The following TMEM132C variants were observed in gnomAD, a reference collection of about 807,000 sequenced individuals.
TMEM132C encodes protein phosphatase 1, regulatory subunit 152.
TMEM132C carries 29 observed loss-of-function variants against 61.4 expected under a neutral mutation model. That is an observed-to-expected ratio of 0.47 (90% CI 0.35 to 0.64). The LOEUF is 0.64. Among genes scored for constraint, TMEM132C ranks in the 30% least tolerant of loss-of-function variants. The pLI is 0.00. For missense variants in TMEM132C, 1,408 were observed against 1,476.9 expected, an observed-to-expected ratio of 0.95 and a Z score of 0.76; for synonymous variants, 656 against 633.1, an observed-to-expected ratio of 1.04 and a Z score of -0.54.
intron 2 of TMEM132C, among the ~76,000 whole-genome samples, chr12:128,478,187 T>C (rs1871212735): frequency 6.6e-6 from 1 of 152,228 alleles, no homozygotes; most frequent in Non-Finnish European, 1.5e-5. Flanking sequence ...CCATACCACA[T>C]GCAGATAGAC....
intron 1 of TMEM132C, among the ~76,000 whole-genome samples, chr12:128,270,771 T>G (rs552381807): frequency 6.6e-6 from 1 of 152,230 alleles, no homozygotes; most frequent in African/African-American, 2.4e-5. Context: ...CTTACTGTGT[T>G]TTAGCCTCTT....
chr12:128,606,204 C>A (rs114414634), intron 3 of TMEM132C, among the ~76,000 whole-genome samples: 3,425 of 152,358 alleles, frequency 0.022, 134 homozygotes, highest in African/African-American at 0.078. Context: ...ACATGACACA[C>A]TTCTGGTATG....
intron 2 of TMEM132C, among the ~76,000 whole-genome samples, chr12:128,505,569 T>TA (rs1275316519): frequency 6.6e-6 from 1 of 152,186 alleles, no homozygotes; most frequent in Non-Finnish European, 1.5e-5. Flanking sequence ...TTCCTCATAT[T>TA]ATAGGGCTGT....
chr12:128,703,900 T>G (rs11059839), intron 8 of TMEM132C, among the ~76,000 whole-genome samples: 21,057 of 152,222 alleles, frequency 0.14, 1,586 homozygotes, highest in Non-Finnish European at 0.18. Context: ...GATTGCACAT[T>G]TCACCCTCCT....
At chr12:128,699,678 A>C (rs1250291923) in intron 8 of TMEM132C, among the ~76,000 whole-genome samples, 2 of 152,370 alleles carry the variant, frequency 1.3e-5, no homozygotes, top group Admixed American at 1.3e-4. Flanking sequence ...CAGATAATCC[A>C]GGAAGATCAC....
At chr12:128,313,686 C>G (rs1872052025) in intron 1 of TMEM132C, among the ~76,000 whole-genome samples, 1 of 152,094 alleles carries the variant, frequency 6.6e-6, no homozygotes, top group Admixed American at 6.6e-5. Flanking sequence ...ACGGGGCCAG[C>G]AGAGGAGCAT....
chr12:128,364,423 G>A (rs764671710), intron 1 of TMEM132C, among the ~76,000 whole-genome samples: 3 of 152,000 alleles, frequency 2.0e-5, no homozygotes, highest in Non-Finnish European at 4.4e-5. Context: ...GTCCCTCGGG[G>A]GACCCGTCGC....
At chr12:128,327,804 G>A (rs574032737) in intron 1 of TMEM132C, among the ~76,000 whole-genome samples, 1 of 152,252 alleles carries the variant, frequency 6.6e-6, no homozygotes, top group African/African-American at 2.4e-5. Flanking sequence ...CAGGTTATAG[G>A]TAGATTTAAA....
At position 128,693,834 on chromosome 12, in the gene TMEM132C, TG is replaced by T; in HGVS notation, c.1456del (p.Glu486SerfsTer21). 6.4e-7 allele frequency: 1 copy of T among 1,551,764 alleles called. No homozygotes were observed. Among genetic ancestry groups the T allele is most frequent in the East Asian group, 2.4e-5 (1 of 40,924 alleles). ...TTCTCCCTCTGTCTTTGCAGGTGTC[TG>T]AGCGCTGTGACTACATCTTTGTCAA... is the stretch of plus-strand genomic sequence containing the variant. ...STDEDVIKVS[E>X]RCDYIFVNGK... On this transcript the variant is annotated frameshift_variant, in exon 6 of 9. Coordinates refer to ENST00000435159, the MANE Select transcript of TMEM132C (RefSeq NM_001136103.3). LOFTEE classifies it high-confidence loss of function.
At chr12:128,508,394 T>G (rs1680505575) in intron 2 of TMEM132C, among the ~76,000 whole-genome samples, 1 of 152,174 alleles carries the variant, frequency 6.6e-6, no homozygotes, top group South Asian at 2.1e-4. Flanking sequence ...TATCAGTGGG[T>G]GACCCATCCA....
chr12:128,601,736 G>A (rs74329724), intron 3 of TMEM132C, among the ~76,000 whole-genome samples: 121 of 146,996 alleles, frequency 8.2e-4, no homozygotes, highest in African/African-American at 3.1e-3. Flanking sequence ...TGCAGTGGCG[G>A]TGGAGGGACA....
intron 3 of TMEM132C, among the ~76,000 whole-genome samples, chr12:128,585,949 G>A (rs1304582836): frequency 6.6e-6 from 1 of 152,194 alleles, no homozygotes; most frequent in Non-Finnish European, 1.5e-5. Context: ...CAAGATGAAA[G>A]TTGTTCTGGA....
intron 4 of TMEM132C, among the ~76,000 whole-genome samples, chr12:128,617,727 G>A (rs887600756): frequency 1.2e-4 from 18 of 152,240 alleles, no homozygotes; most frequent in Admixed American, 7.9e-4. Flanking sequence ...GGTGGGGCAA[G>A]TGTGGAATGA....
In TMEM132C at chr12:128,529,227, G is replaced by A. The variant is rs140498426; in HGVS notation, c.975-14730G>A. On this transcript the variant is annotated intron_variant, in intron 2 of 8. Coordinates refer to ENST00000435159, the MANE Select transcript of TMEM132C (RefSeq NM_001136103.3). ...TACAGGTGGACTCCATCAGGACTCA[G>A]TGTATGATGCAGTAACAAACACAGA... is the stretch of plus-strand genomic sequence containing the variant. Among the ~76,000 whole-genome samples the A allele has an allele frequency of 3.7e-3, 565 of 151,880 alleles. 3 individuals are homozygous for A. Among genetic ancestry groups the A allele is most frequent in the African/African-American group, 0.013 (539 of 41,266 alleles).
At chr12:128,667,147 C>T (rs1442309450) in intron 4 of TMEM132C, among the ~76,000 whole-genome samples, 1 of 149,184 alleles carries the variant, frequency 6.7e-6, no homozygotes, top group Non-Finnish European at 1.5e-5. Flanking sequence ...ATATGTCCAA[C>T]CCATCTTAAT....
At chr12:128,612,675 G>A (rs78252965) in intron 3 of TMEM132C, among the ~76,000 whole-genome samples, 35 of 152,250 alleles carry the variant, frequency 2.3e-4, no homozygotes, top group Non-Finnish European at 4.3e-4. Flanking sequence ...TCCAGTGCCC[G>A]GCACATAGTG....
intron 4 of TMEM132C, among the ~76,000 whole-genome samples, chr12:128,637,931 A>G (rs565872498): frequency 5.2e-4 from 79 of 152,226 alleles, no homozygotes; most frequent in Admixed American, 1.4e-3. Flanking sequence ...TCAGCAAAAG[A>G]AAATGTCAGC....
intron 4 of TMEM132C, among the ~76,000 whole-genome samples, chr12:128,655,072 C>A (rs2135614851): frequency 6.6e-6 from 1 of 152,300 alleles, no homozygotes; most frequent in South Asian, 2.1e-4. Flanking sequence ...TCTCCTCAAG[C>A]ATTTTTTAAT....
intron 3 of TMEM132C, among the ~76,000 whole-genome samples, chr12:128,562,129 C>A (rs776691530): frequency 6.6e-6 from 1 of 152,226 alleles, no homozygotes; most frequent in African/African-American, 2.4e-5. Context: ...CCGCATCTCT[C>A]TCTCCTCTGT....
Sources: gnomAD v4.1 joint callset for allele counts (sites outside exome capture counted in the v4.1 genomes callset) on GRCh38, gnomAD v4.1.1 for gene constraint, MANE v1.5 for transcripts, NCBI Gene and HGNC (gene_info 2026-07-23, HGNC 2026-07-21) for gene names.